The following RBFOX1 variants were observed in gnomAD, a reference collection of about 807,000 sequenced individuals.
RBFOX1 encodes the protein RNA binding protein fox-1 homolog 1.
A neutral mutation model predicts 57.7 loss-of-function variants in RBFOX1; 8 were observed. That is an observed-to-expected ratio of 0.14 (90% CI 0.08 to 0.25). The LOEUF (loss-of-function observed/expected upper bound fraction) is 0.25, where lower values mean the gene tolerates loss of function less well. Among genes scored for constraint, RBFOX1 ranks in the 10% least tolerant of loss-of-function variants. The probability of loss-of-function intolerance (pLI) is 1.00; values close to 1 mark genes in which losing one functional copy is unlikely to be tolerated. For synonymous variants in RBFOX1, 326 were observed against 222.4 expected, an observed-to-expected ratio of 1.47 and a Z score of -4.15; for missense variants, 611 against 548.5, an observed-to-expected ratio of 1.11 and a Z score of -1.14.
chr16:6,789,881 A>G (rs928026068), intron 3 of RBFOX1, among the ~76,000 whole-genome samples: 7 of 151,720 alleles, frequency 4.6e-5, no homozygotes, highest in African/African-American at 1.7e-4. Context: ...CTTATTTTCA[A>G]AAAATACCCT....
At position 7,649,967 on chromosome 16, in the gene RBFOX1, A is replaced by AGG. The variant is rs2064619189; in HGVS notation, c.758-3846_758-3845dup. Among the ~76,000 whole-genome samples, 11 of 150,660 alleles carry AGG rather than the reference A, an allele frequency of 7.3e-5. 1 individual carries two copies. Among genetic ancestry groups the AGG allele is most frequent in the African/African-American group, 1.2e-4 (5 of 41,140 alleles). ...AATGAAGGGAGAGGAGAGGAAGAAGAGGGAGAGGAAGAAGAGCGAGGGGAG... is the reference window on the plus strand; with the variant it reads ...AATGAAGGGAGAGGAGAGGAAGAAGAGGGGGAGAGGAAGAAGAGCGAGGGGAG... On this transcript the variant is annotated intron_variant, in intron 11 of 15. Transcript: ENST00000550418.
intron 3 of RBFOX1, among the ~76,000 whole-genome samples, chr16:5,692,702 G>A (rs988477699): frequency 6.6e-6 from 1 of 152,098 alleles, no homozygotes; most frequent in African/African-American, 2.4e-5. Context: ...TCATCTAGTA[G>A]TTCTTTGTGT....
chr16:7,202,662 C>T (rs374543534), intron 4 of RBFOX1, among the ~76,000 whole-genome samples: 20 of 152,300 alleles, frequency 1.3e-4, no homozygotes, highest in Non-Finnish European at 2.2e-4. Flanking sequence ...AGAGCAGCCA[C>T]GGCATTAGGT....
At chr16:7,370,686 A>G (rs1442740934) in intron 4 of RBFOX1, among the ~76,000 whole-genome samples, 1 of 152,192 alleles carries the variant, frequency 6.6e-6, no homozygotes, top group Non-Finnish European at 1.5e-5. Context: ...GCTAGTTCAT[A>G]TTGAATTTGA....
chr16:6,749,549 C>G (rs138044955), intron 3 of RBFOX1, among the ~76,000 whole-genome samples: 22 of 152,320 alleles, frequency 1.4e-4, no homozygotes, highest in Admixed American at 1.1e-3. Flanking sequence ...GACTTCATAT[C>G]CAGCAGGCAG....
At chr16:6,339,278 C>G (rs2084191018) in intron 2 of RBFOX1, among the ~76,000 whole-genome samples, 1 of 152,190 alleles carries the variant, frequency 6.6e-6, no homozygotes, top group Non-Finnish European at 1.5e-5. Flanking sequence ...CCAAGCAACC[C>G]AACCTGAGTC....
At chr16:5,308,848 C>G (rs980458882) in intron 1 of RBFOX1, among the ~76,000 whole-genome samples, 1 of 152,034 alleles carries the variant, frequency 6.6e-6, no homozygotes. Flanking sequence ...TCCCAGTGCT[C>G]CAATTTGCAC....
intron 9 of RBFOX1, among the ~76,000 whole-genome samples, chr16:7,605,923 C>G (rs1457542916): frequency 6.6e-6 from 1 of 152,154 alleles, no homozygotes; most frequent in East Asian, 1.9e-4. Flanking sequence ...ACTGCAACCT[C>G]TGACTCCCAG....
At chr16:6,016,547 T>C (rs1446011416), upstream of RBFOX1, among the ~76,000 whole-genome samples, 1 of 152,220 alleles carries the variant, frequency 6.6e-6, no homozygotes, top group Non-Finnish European at 1.5e-5. Flanking sequence ...AGTAAGATGA[T>C]GAAATTTACA....
At chr16:5,255,354 C>CCATCCATCCATCCATCCCTCCATCCA (rs1555468931) in intron 1 of RBFOX1, among the ~76,000 whole-genome samples, 5,062 of 85,668 alleles carry the variant, frequency 0.059, 133 homozygotes, top group Admixed American at 0.098. Flanking sequence ...CCATCCATCC[C>CCATCCATCCATCCATCCCTCCATCCA]TCCATCCATC....
In RBFOX1 at chr16:5,815,219, C is replaced by A. The variant is rs578212942; in HGVS notation, c.319-52084C>A. Among the ~76,000 whole-genome samples, 6 of 141,628 alleles carry A rather than the reference C, an allele frequency of 4.2e-5. No homozygotes were observed. The East Asian group carries it at 1.3e-3, about 30-fold the overall frequency. The allele number at this position is 141,628 out of a possible 152,430, so 92.9% of individuals were successfully genotyped here. A position where few individuals can be genotyped will look rare whatever the true frequency, so the allele number is the denominator to read the frequency against. ...ATGTTGCCAAGGCTGGCCTCAAACT[C>A]CTGAGCTCAAGTAATCCTCCTGTCT... On this transcript the variant is annotated intron_variant, in intron 3 of 19. Transcript: ENST00000641259.
chr16:6,434,565 A>G (rs927297633), intron 2 of RBFOX1, among the ~76,000 whole-genome samples: 1 of 152,204 alleles, frequency 6.6e-6, no homozygotes, highest in Admixed American at 6.5e-5. Flanking sequence ...CATAGGAAGC[A>G]ACTTCTAAAA....
chr16:5,892,888 A>C (rs760198095), intron 4 of RBFOX1, among the ~76,000 whole-genome samples: 1 of 152,196 alleles, frequency 6.6e-6, no homozygotes, highest in African/African-American at 2.4e-5. Context: ...GGGGTTGCAG[A>C]TGTCAACAGG....
At chr16:6,160,616 G>C (rs956634920) in intron 1 of RBFOX1, among the ~76,000 whole-genome samples, 1 of 152,124 alleles carries the variant, frequency 6.6e-6, no homozygotes, top group Non-Finnish European at 1.5e-5. Flanking sequence ...ATCTTCTCCT[G>C]TCTGTTCCCA....
At chr16:6,580,495 T>C (rs1006655741) in intron 2 of RBFOX1, among the ~76,000 whole-genome samples, 1 of 152,182 alleles carries the variant, frequency 6.6e-6, no homozygotes, top group African/African-American at 2.4e-5. Context: ...AAAAACTCCG[T>C]AAGACATAAT....
intron 3 of RBFOX1, among the ~76,000 whole-genome samples, chr16:5,671,013 C>A (rs1286256912): frequency 6.6e-6 from 1 of 152,220 alleles, no homozygotes; most frequent in African/African-American, 2.4e-5. Context: ...TCACTGAAAT[C>A]CCTGGTGAAG....
chr16:6,916,586 C>G (rs762003672), intron 3 of RBFOX1, among the ~76,000 whole-genome samples: 41 of 151,948 alleles, frequency 2.7e-4, no homozygotes, highest in Admixed American at 1.3e-3. Context: ...GTGACCTACA[C>G]ACTTGTAAGG....
Position 6,316,987 on chromosome 16 carries a change from T to G in RBFOX1, c.-126-8T>G. ...GATACTAAAGTCATTCCCCTTTTTCTTCTTTAGGAAACTGGTCAAAGAACT... is the reference window on the plus strand; with the variant it reads ...GATACTAAAGTCATTCCCCTTTTTCGTCTTTAGGAAACTGGTCAAAGAACT... On this transcript the variant is annotated splice_region_variant and splice_polypyrimidine_tract_variant and intron_variant, in intron 1 of 15. Transcript: ENST00000550418. The G allele has an allele frequency of 6.5e-7, 1 of 1,529,122 alleles. No homozygotes were observed. The highest frequency in any genetic ancestry group is 1.2e-5 in the South Asian group (1 of 83,742). 94.7% of individuals were successfully genotyped at this position (1,529,122 alleles called of 1,614,324 possible).
chr16:5,845,820 G>T (rs950683869), intron 3 of RBFOX1, among the ~76,000 whole-genome samples: 1 of 152,174 alleles, frequency 6.6e-6, no homozygotes, highest in African/African-American at 2.4e-5. Flanking sequence ...CCCTCAGACA[G>T]CAGTGGTCTA....
Sources: allele counts gnomAD v4.1 joint callset (sites outside exome capture counted in the v4.1 genomes callset), GRCh38; gene constraint gnomAD v4.1.1; transcripts MANE v1.5; gene names NCBI Gene and HGNC (gene_info 2026-07-23, HGNC 2026-07-21).